Variants in LRP1B observed in about 807,000 individuals in gnomAD.
The protein encoded by LRP1B is LDL receptor related protein 1B.
A neutral mutation model predicts 556.6 loss-of-function variants in LRP1B; 217 were observed. The ratio of observed to expected loss-of-function variants is 0.39; its 90% CI spans 0.35 to 0.44. The LOEUF is 0.44. LRP1B is among the 20% of genes least tolerant of loss of function. The pLI is 1.00. For synonymous variants in LRP1B, 2,047 were observed against 1,865.8 expected (o/e 1.10, Z -2.50); for missense variants, 5,053 against 5,620.8 (o/e 0.90, Z 3.23).
chr2:140,914,854 T>G (rs1694528298), intron 21 of LRP1B, among the ~76,000 whole-genome samples: 1 of 152,074 alleles, frequency 6.6e-6, no homozygotes, highest in South Asian at 2.1e-4. Context: ...GAAGCCGAGG[T>G]GCAGTACTAG....
At position 140,329,940 on chromosome 2, in the gene LRP1B, C is replaced by T. The variant is rs751785112; in HGVS notation, c.12224-4062G>A. Among the ~76,000 whole-genome samples, 9 of 151,870 alleles carry T rather than the reference C, an allele frequency of 5.9e-5. No homozygotes were observed. The East Asian group carries it at 1.8e-3, about 30-fold the overall frequency. ...AAATTCATATGGGCTGGGCTCCCAC[C>T]TATAATCCCAGAAGTTTGAGAGGCT... On this transcript the variant is annotated intron_variant, in intron 79 of 90. Transcript: ENST00000389484.
chr2:140,328,142 TC>T (rs1680594309), intron 79 of LRP1B, among the ~76,000 whole-genome samples: 2 of 151,990 alleles, frequency 1.3e-5, no homozygotes, highest in Non-Finnish European at 2.9e-5. Flanking sequence ...AAAAATCAAT[TC>T]TCAAGAAACT....
chr2:141,899,061 T>C (rs1699540362), intron 1 of LRP1B, among the ~76,000 whole-genome samples: 1 of 152,252 alleles, frequency 6.6e-6, no homozygotes, highest in South Asian at 2.1e-4. Context: ...CTGAATGAAA[T>C]ACTCAAAAAG....
At chr2:141,364,348 A>G (rs1284594188) in intron 3 of LRP1B, among the ~76,000 whole-genome samples, 2 of 151,532 alleles carry the variant, frequency 1.3e-5, no homozygotes, top group African/African-American at 4.9e-5. Flanking sequence ...GAATAATTAA[A>G]TCACGCACAC....
At chr2:141,366,824 AACGCTGGGTC>A (rs1251498476) in intron 3 of LRP1B, among the ~76,000 whole-genome samples, 1 of 152,206 alleles carries the variant, frequency 6.6e-6, no homozygotes, top group African/African-American at 2.4e-5. Flanking sequence ...ACTAGGTGAA[AACGCTGGGTC>A]ACTTTTCTCA....
At chr2:141,749,906 GT>G (rs1694049407) in intron 2 of LRP1B, among the ~76,000 whole-genome samples, 3 of 152,162 alleles carry the variant, frequency 2.0e-5, no homozygotes, top group Admixed American at 6.6e-5. Context: ...GAACCAGGAA[GT>G]AGTTAGGTGA....
At chr2:141,535,172 TA>T (rs1685030773) in intron 2 of LRP1B, among the ~76,000 whole-genome samples, 1 of 152,148 alleles carries the variant, frequency 6.6e-6, no homozygotes, top group Admixed American at 6.6e-5. Flanking sequence ...GGTAACACTT[TA>T]AATACTCAGG....
At position 141,365,656 on chromosome 2, in the gene LRP1B, T is replaced by TTTTTTTTTTTTTTTGGCTC. The variant is rs1491383019; in HGVS notation, c.344-111016_344-111015insGAGCCAAAAAAAAAAAAAA. 1.3e-3 allele frequency among the ~76,000 whole-genome samples: 92 copies of TTTTTTTTTTTTTTTGGCTC among 72,966 alleles called. 2 individuals are homozygous for TTTTTTTTTTTTTTTGGCTC. The highest frequency in any genetic ancestry group is 4.3e-3 in the African/African-American group (88 of 20,338). 47.9% of individuals were successfully genotyped at this position (72,966 alleles called of 152,430 possible). A position where few individuals can be genotyped will look rare whatever the true frequency, so the allele number is the denominator to read the frequency against. ...TTTTGTTTTGGTTTGTTTTTGTTGC[T>TTTTTTTTTTTTTTTGGCTC]TTTTTTTTTTTTTTGAGACAGAGTC... On this transcript the variant is annotated intron_variant, in intron 3 of 90. Coordinates refer to ENST00000389484, the MANE Select transcript of LRP1B (RefSeq NM_018557.3).
chr2:141,007,366 T>C (rs1387000175), intron 14 of LRP1B, among the ~76,000 whole-genome samples: 1 of 151,840 alleles, frequency 6.6e-6, no homozygotes, highest in Non-Finnish European at 1.5e-5. Context: ...TTTCATTATC[T>C]TGAAAAATAA....
chr2:140,737,173 G>A (rs1328315247), intron 35 of LRP1B, among the ~76,000 whole-genome samples: 1 of 152,144 alleles, frequency 6.6e-6, no homozygotes, highest in African/African-American at 2.4e-5. Context: ...CCCAGCAAAT[G>A]AAGAAGTAGC....
At chr2:141,365,749 T>A (rs1315410829) in intron 3 of LRP1B, among the ~76,000 whole-genome samples, 1 of 142,068 alleles carries the variant, frequency 7.0e-6, no homozygotes, top group Non-Finnish European at 1.5e-5. Context: ...CTCGGCTACC[T>A]GCAAGATCCG....
At chr2:140,738,467 G>T (rs1688024553) in intron 35 of LRP1B, among the ~76,000 whole-genome samples, 1 of 152,118 alleles carries the variant, frequency 6.6e-6, no homozygotes, top group African/African-American at 2.4e-5. Flanking sequence ...AATGGGGAGA[G>T]CGTAACTAAC....
intron 1 of LRP1B, among the ~76,000 whole-genome samples, chr2:142,106,869 T>C (rs1417521521): frequency 1.3e-5 from 2 of 152,184 alleles, no homozygotes; most frequent in Non-Finnish European, 1.5e-5. Context: ...ATGACATTTT[T>C]ATGTGATCAC....
At chr2:140,685,678 G>A (rs1686021874) in intron 41 of LRP1B, among the ~76,000 whole-genome samples, 1 of 152,136 alleles carries the variant, frequency 6.6e-6, no homozygotes, top group African/African-American at 2.4e-5. Flanking sequence ...TGCAAATGAA[G>A]CTTTCAGACA....
intron 18 of LRP1B, among the ~76,000 whole-genome samples, chr2:140,955,352 C>A (rs1226656377): frequency 7.3e-5 from 11 of 151,718 alleles, no homozygotes; most frequent in Non-Finnish European, 1.6e-4. Flanking sequence ...GTTAAAATGT[C>A]ATTACGAATT....
Position 141,237,353 on chromosome 2 carries a change from GTTT to G in LRP1B, c.593-7916_593-7914del, listed in dbSNP as rs11327977. 1.7e-3 allele frequency among the ~76,000 whole-genome samples: 161 copies of G among 93,630 alleles called. 1 individual carries two copies. Among genetic ancestry groups the G allele is most frequent in the Non-Finnish European group, 3.0e-3 (132 of 43,522 alleles). 61.4% of individuals were successfully genotyped at this position (93,630 alleles called of 152,430 possible). ...ATCTTGTTTTGTTTTGTGTTCTAGT[GTTT>G]TTTTTTTTTTTTTTTAATTCTGATT... On this transcript the variant is annotated intron_variant, in intron 5 of 90. Transcript: ENST00000389484.
At chr2:141,877,290 G>T (rs545090387) in intron 1 of LRP1B, among the ~76,000 whole-genome samples, 2 of 151,928 alleles carry the variant, frequency 1.3e-5, no homozygotes, top group Non-Finnish European at 2.9e-5. Flanking sequence ...CTGCCCACAG[G>T]ATTTCTGTTC....
At chr2:141,879,984 A>G (rs999450438) in intron 1 of LRP1B, among the ~76,000 whole-genome samples, 1 of 151,860 alleles carries the variant, frequency 6.6e-6, no homozygotes, top group Non-Finnish European at 1.5e-5. Flanking sequence ...ACATTTGTTA[A>G]TTTCTTCTAT....
chr2:140,708,506 G>GTA (rs35928135), intron 37 of LRP1B, among the ~76,000 whole-genome samples: 4,018 of 149,896 alleles, frequency 0.027, 156 homozygotes, highest in African/African-American at 0.09. Context: ...TTATATATAT[G>GTA]TATATATATA....
Sources: gnomAD v4.1 joint callset for allele counts (sites outside exome capture counted in the v4.1 genomes callset) on GRCh38, gnomAD v4.1.1 for gene constraint, MANE v1.5 for transcripts, NCBI Gene and HGNC (gene_info 2026-07-23, HGNC 2026-07-21) for gene names.